The following PLD5 variants were observed in gnomAD, a reference collection of about 807,000 sequenced individuals.
PLD5 encodes the protein phospholipase D family member 5, also known as inactive phospholipase D5.
A neutral mutation model predicts 61.1 loss-of-function variants in PLD5; 36 were observed. That is an observed-to-expected ratio of 0.59 (90% confidence interval 0.45 to 0.78). PLD5 has a LOEUF of 0.78. Among genes scored for constraint, PLD5 ranks in the 30% least tolerant of loss-of-function variants. The pLI is 0.00. For missense variants in PLD5, 515 were observed against 644.4 expected (o/e 0.80, Z 2.17); for synonymous variants, 243 against 242.8 (o/e 1.00, Z -0.01).
intron 1 of PLD5, among the ~76,000 whole-genome samples, chr1:242,385,694 T>G (rs1305468119): frequency 2.0e-5 from 3 of 152,146 alleles, no homozygotes; most frequent in Non-Finnish European, 4.4e-5. Flanking sequence ...AAGTAAGCAT[T>G]TACCCTAACT....
At chr1:242,369,889 A>G (rs1476463292) in intron 1 of PLD5, among the ~76,000 whole-genome samples, 1 of 152,238 alleles carries the variant, frequency 6.6e-6, no homozygotes, top group Non-Finnish European at 1.5e-5. Flanking sequence ...AGAGGTAGAT[A>G]CTATCCCAAG....
intron 1 of PLD5, among the ~76,000 whole-genome samples, chr1:242,353,413 T>C (rs1418025490): frequency 6.6e-6 from 1 of 152,216 alleles, no homozygotes; most frequent in African/African-American, 2.4e-5. Flanking sequence ...TTGCTTTAAT[T>C]ACTACTGTTT....
rs543087184 is a variant in PLD5 at position 242,272,633 on chromosome 1, C to T, written c.496-7185G>A. 5.9e-5 allele frequency among the ~76,000 whole-genome samples: 9 copies of T among 152,262 alleles called. No homozygotes were observed. In the East Asian group the frequency reaches 1.7e-3, roughly 29 times the overall value. On this transcript the variant is annotated intron_variant, in intron 3 of 9. Coordinates refer to ENST00000536534, the MANE Select transcript of PLD5 (RefSeq NM_001372062.1). ...ATCTTATCTATTTGGAAATTTAAAA[C>T]TCACTCTTAGATTGTCCTTATACCA...
intron 1 of PLD5, among the ~76,000 whole-genome samples, chr1:242,479,867 C>A (rs1364879946): frequency 1.3e-5 from 2 of 150,972 alleles, no homozygotes; most frequent in Admixed American, 6.6e-5. Context: ...CATGGTGAAA[C>A]CCCGTCTCTA....
intron 5 of PLD5, among the ~76,000 whole-genome samples, chr1:242,182,018 A>G (rs1558314191): frequency 6.6e-6 from 1 of 152,194 alleles, no homozygotes; most frequent in Non-Finnish European, 1.5e-5. Flanking sequence ...CAGTCTATAC[A>G]ATCTTCTTTG....
chr1:242,167,937 G>C lies in PLD5; in HGVS notation c.736-43272C>G, dbSNP rs544395976. Among the ~76,000 whole-genome samples the C allele has an allele frequency of 4.6e-5, 7 of 152,306 alleles. No homozygotes were observed. The East Asian group carries it at 1.3e-3, about 29-fold the overall frequency. Reference sequence around the variant, plus strand: ...AAATGATGAATGTTTGCTGGAGGAGGAAGTGGTTCCTCACCAGAGTGCACA... The same window carrying C: ...AAATGATGAATGTTTGCTGGAGGAGCAAGTGGTTCCTCACCAGAGTGCACA... On this transcript the variant is annotated intron_variant, in intron 5 of 9. Coordinates refer to ENST00000536534, the MANE Select transcript of PLD5 (RefSeq NM_001372062.1).
chr1:242,106,264 G>A (rs186028125), intron 8 of PLD5, among the ~76,000 whole-genome samples: 2 of 152,278 alleles, frequency 1.3e-5, no homozygotes, highest in East Asian at 3.9e-4. Context: ...TTTTATTTTA[G>A]TTTTTACATT....
At chr1:242,515,201 T>C (rs184475521) in intron 1 of PLD5, among the ~76,000 whole-genome samples, 4 of 141,296 alleles carry the variant, frequency 2.8e-5, no homozygotes, top group African/African-American at 8.1e-5. Context: ...TGTGTGTGCG[T>C]GTGTGTGTGT....
At chr1:242,465,720 A>G (rs1253026003) in intron 1 of PLD5, among the ~76,000 whole-genome samples, 1 of 152,038 alleles carries the variant, frequency 6.6e-6, no homozygotes, top group Non-Finnish European at 1.5e-5. Context: ...TGAGGTCAGG[A>G]GTTCAAGACT....
intron 5 of PLD5, among the ~76,000 whole-genome samples, chr1:242,152,638 G>C (rs1261306965): frequency 6.6e-6 from 1 of 152,062 alleles, no homozygotes; most frequent in African/African-American, 2.4e-5. Flanking sequence ...AGTTTGTTGA[G>C]AATGATGGTT....
chr1:242,525,078 T>A (rs1669409138), upstream of PLD5, among the ~76,000 whole-genome samples: 3 of 147,114 alleles, frequency 2.0e-5, no homozygotes, highest in South Asian at 6.7e-4. Flanking sequence ...TCGCTTGGGC[T>A]GCGCCTTCCC....
rs1210639780 is a variant in PLD5, at chr1:242,241,910, T to TATATATAC, written c.608-21796_608-21795insGTATATAT. 5.9e-3 allele frequency among the ~76,000 whole-genome samples: 299 copies of TATATATAC among 50,346 alleles called. 10 individuals are homozygous for TATATATAC. The highest frequency in any genetic ancestry group is 7.8e-3 in the Non-Finnish European group (208 of 26,770). The allele number at this position is 50,346 out of a possible 152,430, so 33.0% of individuals were successfully genotyped here. On this transcript the variant is annotated intron_variant, in intron 4 of 9. Transcript: ENST00000536534. ...ATATATATATATATATATATATATA[T>TATATATAC]ACTTACTGTATATATATATACGCTT...
At position 242,185,314 on chromosome 1, in the gene PLD5, CAGTA is replaced by C. The variant is rs576287609; in HGVS notation, c.735+34670_735+34673del. On this transcript the variant is annotated intron_variant, in intron 5 of 9. Coordinates refer to ENST00000536534, the MANE Select transcript of PLD5 (RefSeq NM_001372062.1). ...AACAACAACAACAAGAAACTAAAGACAGTAAGGGAGAAAGAGTGGGTATAAGCAC... is the reference window on the plus strand; with the variant it reads ...AACAACAACAACAAGAAACTAAAGACAGGGAGAAAGAGTGGGTATAAGCAC... Among the ~76,000 whole-genome samples the C allele has an allele frequency of 1.1e-3, 170 of 152,190 alleles. 1 individual carries two copies. Among genetic ancestry groups the C allele is most frequent in the African/African-American group, 4.1e-3 (169 of 41,504 alleles).
chr1:242,273,498 A>T lies in PLD5; in HGVS notation c.496-8050T>A, dbSNP rs530098255. Reference sequence around the variant, plus strand: ...TACAAATAAAAATGTGTTTCCAGTCAGAATTAGTACACACTAATACTTTCA... The same window carrying T: ...TACAAATAAAAATGTGTTTCCAGTCTGAATTAGTACACACTAATACTTTCA... On this transcript the variant is annotated intron_variant, in intron 3 of 9. Coordinates refer to ENST00000536534, the MANE Select transcript of PLD5 (RefSeq NM_001372062.1). Among the ~76,000 whole-genome samples the T allele has an allele frequency of 4.3e-4, 65 of 152,354 alleles. 2 individuals carry two copies. In the South Asian group the frequency reaches 0.012, roughly 28 times the overall value.
In PLD5 at chr1:242,207,989, T is replaced by TATACACAC. The variant is rs1435570827; in HGVS notation, c.735+11991_735+11998dup. On this transcript the variant is annotated intron_variant, in intron 5 of 9. Transcript: ENST00000536534. Reference sequence around the variant, plus strand: ...TTATATATATTTTTATATATATATTTATACACACACACACACACACACACA... The same window carrying TATACACAC: ...TTATATATATTTTTATATATATATTTATACACACATACACACACACACACACACACACA... Among the ~76,000 whole-genome samples the TATACACAC allele has an allele frequency of 1.1e-4, 2 of 18,118 alleles. 1 individual carries two copies. Among genetic ancestry groups the TATACACAC allele is most frequent in the Admixed American group, 3.4e-3 (2 of 582 alleles). 11.9% of individuals were successfully genotyped at this position (18,118 alleles called of 152,430 possible).
At chr1:242,529,439 C>T (rs760019495), upstream of PLD5, among the ~76,000 whole-genome samples, 8 of 152,122 alleles carry the variant, frequency 5.3e-5, no homozygotes, top group Non-Finnish European at 8.8e-5. Flanking sequence ...TCACAAAATC[C>T]TGCAAAGTAA....
At chr1:242,287,742 C>A (rs915580970) in intron 3 of PLD5, among the ~76,000 whole-genome samples, 4 of 152,164 alleles carry the variant, frequency 2.6e-5, no homozygotes, top group African/African-American at 9.7e-5. Flanking sequence ...TCACCAGCAC[C>A]ATTTTCTTAC....
chr1:242,112,896 C>A (rs978754050), intron 7 of PLD5, among the ~76,000 whole-genome samples: 1 of 152,178 alleles, frequency 6.6e-6, no homozygotes, highest in Admixed American at 6.5e-5. Flanking sequence ...AGCATGGCCA[C>A]GCATTTATGC....
At chr1:242,208,241 G>T (rs78330458) in intron 5 of PLD5, among the ~76,000 whole-genome samples, 2 of 151,400 alleles carry the variant, frequency 1.3e-5, no homozygotes, top group South Asian at 4.2e-4. Context: ...AGCTCACCCC[G>T]CTCACTCATC....
Sources: allele counts gnomAD v4.1 joint callset (sites outside exome capture counted in the v4.1 genomes callset), GRCh38; gene constraint gnomAD v4.1.1; transcripts MANE v1.5; gene names NCBI Gene and HGNC (gene_info 2026-07-23, HGNC 2026-07-21).